DMXL2: variants seen among roughly 807,000 people sequenced by gnomAD.
The protein encoded by DMXL2 is Dmx like 2, also known as dmX-like protein 2.
In DMXL2, 103 loss-of-function variants were observed where a neutral mutation model predicts 331.1. That is an observed-to-expected ratio of 0.31 (90% CI 0.27 to 0.37). The LOEUF (loss-of-function observed/expected upper bound fraction) is 0.37, where lower values mean the gene tolerates loss of function less well. Ranked by LOEUF, DMXL2 falls within the 10% of genes least tolerant of loss-of-function variation. DMXL2 has a pLI of 1.00. For missense variants in DMXL2, 3,171 were observed against 3,642.9 expected, an observed-to-expected ratio of 0.87 and a Z score of 3.33; for synonymous variants, 1,281 against 1,252.1, an observed-to-expected ratio of 1.02 and a Z score of -0.49.
Position 51,448,441 on chromosome 15 carries a change from G to A in DMXL2, c.*543C>T, listed in dbSNP as rs1406734807. 6 of 159,942 alleles carry A rather than the reference G, an allele frequency of 3.8e-5. No individual in the cohort carries two copies. Among genetic ancestry groups the A allele is most frequent in the African/African-American group, 1.4e-4 (6 of 41,492 alleles). 9.9% of individuals were successfully genotyped at this position (159,942 alleles called of 1,614,324 possible). A position where few individuals can be genotyped will look rare whatever the true frequency, so the allele number is the denominator to read the frequency against. On this transcript the variant is annotated 3_prime_UTR_variant, in exon 44 of 44. Coordinates refer to ENST00000560891, the MANE Select transcript of DMXL2 (RefSeq NM_001378457.1). ...TACTAGCTCAGTATAAACACTAACA[G>A]GAAAAATATTCAGCAGGAAAGAATG...
At chr15:51,598,220 A>G (rs1459047751) in intron 1 of DMXL2, among the ~76,000 whole-genome samples, 2 of 152,232 alleles carry the variant, frequency 1.3e-5, no homozygotes, top group African/African-American at 2.4e-5. Flanking sequence ...GTAAATTTAT[A>G]CAGTTATACA....
Position 51,547,278 on chromosome 15 carries a change from C to T in DMXL2, c.698G>A (p.Arg233Gln), listed in dbSNP as rs756757123. 12 of 1,612,486 alleles carry T rather than the reference C, an allele frequency of 7.4e-6. No homozygotes were observed. The highest frequency in any genetic ancestry group is 4.5e-5 in the East Asian group (2 of 44,824). Residue 233 changes from arginine to glutamine, a missense_variant, in exon 7 of 44, where the codon CGA becomes CAA. Arg to Gln is a conservative substitution (Grantham distance 43). Transcript: ENST00000560891. ...GCGCCACGAAAAACCTGTCACAGCT[C>T]GGGGATGTGCCAAGTAAACAAAAGA... ...QFSFVYLAHP[R>Q]AVTGFSWRKT...
intron 13 of DMXL2, among the ~76,000 whole-genome samples, chr15:51,519,768 G>A (rs923350383): frequency 6.7e-6 from 1 of 148,270 alleles, no homozygotes; most frequent in African/African-American, 2.5e-5. Flanking sequence ...TTAGCCTCCC[G>A]AGTAGCTGGG....
In DMXL2 at chr15:51,465,609, G is replaced by A. The variant is rs1299781491; in HGVS notation, c.7563C>T (p.His2521=). 1 of 1,608,088 alleles carries A rather than the reference G, an allele frequency of 6.2e-7. No individual in the cohort carries two copies. The highest frequency in any genetic ancestry group is 1.7e-5 in the Admixed American group (1 of 58,668). ...CAATAGGAAAGAAATTCTTGACATTGTGAAGTGCTAGTTTAACCATTGTCA... is the reference window on the plus strand; with the variant it reads ...CAATAGGAAAGAAATTCTTGACATTATGAAGTGCTAGTTTAACCATTGTCA... The part of the protein sequence containing the change: ...LHLTMVKLAL[H]NVKNFFPIAG... Residue 2521 remains histidine, a synonymous_variant, in exon 31 of 44, where the codon CAC becomes CAT. Transcript: ENST00000560891.
At chr15:51,605,939 G>C (rs2053560623) in intron 1 of DMXL2, among the ~76,000 whole-genome samples, 1 of 152,196 alleles carries the variant, frequency 6.6e-6, no homozygotes. Context: ...AAATCTAAGA[G>C]AAAAGGAGAA....
intron 13 of DMXL2, among the ~76,000 whole-genome samples, chr15:51,531,512 C>A (rs2048001721): frequency 6.6e-6 from 1 of 152,008 alleles, no homozygotes; most frequent in South Asian, 2.1e-4. Context: ...GACAGGAAAC[C>A]AAAGCAAAAA....
In DMXL2 at chr15:51,488,541, A is replaced by T; in HGVS notation, c.5051+7T>A. The T allele has an allele frequency of 6.2e-7, 1 of 1,609,598 alleles. No individual in the cohort carries two copies. Among genetic ancestry groups the T allele is most frequent in the Non-Finnish European group, 8.5e-7 (1 of 1,177,582 alleles). On this transcript the variant is annotated splice_region_variant and intron_variant, in intron 21 of 43. Transcript: ENST00000560891. ...GTTGAATCACGTTAAGTGTCAAGGC[A>T]ACTTACCTAAACAGACCCCACACTA...
chr15:51,458,270 G>C (rs1181927873), intron 36 of DMXL2, among the ~76,000 whole-genome samples: 1 of 152,214 alleles, frequency 6.6e-6, no homozygotes, highest in Non-Finnish European at 1.5e-5. Context: ...ATGAAGCCAA[G>C]TGTTAGGGAT....
chr15:51,499,134 C>T lies in DMXL2; in HGVS notation c.4090G>A (p.Ala1364Thr). 6.2e-7 allele frequency: 1 copy of T among 1,614,092 alleles called. No individual in the cohort carries two copies. Among genetic ancestry groups the T allele is most frequent in the Non-Finnish European group, 8.5e-7 (1 of 1,180,024 alleles). ...ACTAAATGAGAGAGAATGGCTTTAG[C>T]CCTTCGCACTTTCCCTAAATCCATC... ...ELMDLGKVRR[A>T]KAILSHLVKC... Residue 1364 changes from alanine to threonine, a missense_variant, in exon 18 of 44, where the codon GCT becomes ACT. Around this residue, in one of 7 missense-constraint regions of DMXL2, gnomAD observed 1,674 missense variants for 1,780.2 expected, o/e 0.94. Transcript: ENST00000560891.
At chr15:51,555,512 A>T (rs1364541477) in intron 6 of DMXL2, among the ~76,000 whole-genome samples, 1 of 152,192 alleles carries the variant, frequency 6.6e-6, no homozygotes, top group East Asian at 1.9e-4. Flanking sequence ...TTAAAAGTAG[A>T]AAAGATAACA....
At chr15:51,544,199 G>T (rs1188034778) in intron 8 of DMXL2, among the ~76,000 whole-genome samples, 1 of 152,192 alleles carries the variant, frequency 6.6e-6, no homozygotes, top group African/African-American at 2.4e-5. Context: ...AATGTTGGAG[G>T]TAGAGCCTGG....
chr15:51,451,951 A>ATGAC (rs1198191786), intron 41 of DMXL2, among the ~76,000 whole-genome samples: 3 of 152,188 alleles, frequency 2.0e-5, no homozygotes, highest in Admixed American at 6.5e-5. Flanking sequence ...GGAAACTGAT[A>ATGAC]TGACTTCCTG....
At chr15:51,483,276 A>C (rs893558604) in intron 23 of DMXL2, among the ~76,000 whole-genome samples, 1 of 152,108 alleles carries the variant, frequency 6.6e-6, no homozygotes, top group Admixed American at 6.5e-5. Flanking sequence ...CTATCTTGAG[A>C]CCAGTCACCT....
intron 1 of DMXL2, among the ~76,000 whole-genome samples, chr15:51,581,195 G>A (rs745822329): frequency 6.6e-6 from 1 of 152,166 alleles, no homozygotes; most frequent in African/African-American, 2.4e-5. Flanking sequence ...GGTGGCATTA[G>A]ATTCTCATAG....
At position 51,480,130 on chromosome 15, in the gene DMXL2, C is replaced by A; in HGVS notation, c.6574G>T (p.Val2192Leu). 1 of 1,533,324 alleles carries A rather than the reference C, an allele frequency of 6.5e-7. No individual in the cohort carries two copies. The highest frequency in any genetic ancestry group is 8.8e-7 in the Non-Finnish European group (1 of 1,131,868). The allele number at this position is 1,533,324 out of a possible 1,614,324, so 95.0% of individuals were successfully genotyped here. ...GGTAGTGGAGACTGGAGCTGCTTTA[C>A]TGTAGTTTCCTGTGGGTGATAGTGA... Reference protein sequence around the residue: ...LLQESQQETTVKQLQSPLPLP... With the variant: ...LLQESQQETTLKQLQSPLPLP... Residue 2192 changes from valine to leucine, a missense_variant, in exon 25 of 44, where the codon GTA becomes TTA. By Grantham distance (32) the Val-to-Leu change is conservative. This residue lies in a region of DMXL2 where 197 missense variants were observed against 196.2 expected (regional missense o/e 1.00). Coordinates refer to ENST00000560891, the MANE Select transcript of DMXL2 (RefSeq NM_001378457.1).
Position 51,479,912 on chromosome 15 carries a change from G to T in DMXL2, c.6756+36C>A, listed in dbSNP as rs763409175. 9.3e-6 allele frequency: 13 copies of T among 1,397,404 alleles called. 1 individual carries two copies. Among genetic ancestry groups the T allele is most frequent in the Non-Finnish European group, 1.0e-5 (11 of 1,048,966 alleles). The allele number at this position is 1,397,404 out of a possible 1,614,324, so 86.6% of individuals were successfully genotyped here. ...GGTATAACATATTTACCTTCTCAGG[G>T]TGTATAATATCAAATGATCATAAAC... On this transcript the variant is annotated intron_variant, in intron 25 of 43. Transcript: ENST00000560891.
At chr15:51,577,486 CA>C (rs2141142056) in intron 1 of DMXL2, among the ~76,000 whole-genome samples, 1 of 152,122 alleles carries the variant, frequency 6.6e-6, no homozygotes, top group South Asian at 2.1e-4. Flanking sequence ...GAATTTCAAG[CA>C]AGAAAAATAT....
chr15:51,488,128 C>G lies in DMXL2; in HGVS notation c.5052-9G>C. On this transcript the variant is annotated splice_polypyrimidine_tract_variant and intron_variant, in intron 21 of 43. Coordinates refer to ENST00000560891, the MANE Select transcript of DMXL2 (RefSeq NM_001378457.1). ...TTTCATCATGCTGTGACCTGGGGAC[C>G]GAGCATAAACATAAAGTGGTTAAAC... 6.3e-7 allele frequency: 1 copy of G among 1,577,318 alleles called. No homozygotes were observed. The highest frequency in any genetic ancestry group is 8.6e-7 in the Non-Finnish European group (1 of 1,164,036).
chr15:51,583,106 C>CTTTTTT (rs57226377), intron 1 of DMXL2, among the ~76,000 whole-genome samples: 16 of 87,180 alleles, frequency 1.8e-4, no homozygotes, highest in East Asian at 8.9e-4. Context: ...CTTCATTCTT[C>CTTTTTT]TTTTTTTTTT....
Sources: allele counts gnomAD v4.1 joint callset (sites outside exome capture counted in the v4.1 genomes callset), GRCh38; gene constraint gnomAD v4.1.1; regional missense constraint gnomAD v4.1.1; transcripts MANE v1.5; gene names NCBI Gene and HGNC (gene_info 2026-07-23, HGNC 2026-07-21).